PPP2R2B: variants seen among roughly 807,000 people sequenced by gnomAD.
PPP2R2B encodes protein phosphatase 2 regulatory subunit Bbeta.
In PPP2R2B, 5 loss-of-function variants were observed where a neutral mutation model predicts 46.0. The ratio of observed to expected loss-of-function variants is 0.11; its 90% CI spans 0.06 to 0.23. The LOEUF (loss-of-function observed/expected upper bound fraction) is 0.23. Among genes scored for constraint, PPP2R2B ranks in the 10% least tolerant of loss-of-function variants. The pLI, the probability that PPP2R2B is intolerant of heterozygous loss-of-function variation, is 1.00. For missense variants in PPP2R2B, 367 were observed against 575.0 expected (o/e 0.64, Z 3.70); for synonymous variants, 215 against 206.7 (o/e 1.04, Z -0.34).
Position 147,034,658 on chromosome 5 carries a change from A to G in PPP2R2B, c.79+21007T>C, listed in dbSNP as rs1262939421. Among the ~76,000 whole-genome samples, 5 of 152,218 alleles carry G rather than the reference A, an allele frequency of 3.3e-5. No individual in the cohort carries two copies. In the East Asian group the frequency reaches 7.7e-4, roughly 23 times the overall value. ...ATAGAACTATTACATATTTCTTGTAATAATAATGATTGTATATGTTCAATT... is the reference window on the plus strand; with the variant it reads ...ATAGAACTATTACATATTTCTTGTAGTAATAATGATTGTATATGTTCAATT... On this transcript the variant is annotated intron_variant, in intron 1 of 8. Transcript: ENST00000336640.
intron 1 of PPP2R2B, among the ~76,000 whole-genome samples, chr5:146,962,966 T>C (rs147689706): frequency 3.9e-5 from 6 of 152,326 alleles, no homozygotes; most frequent in African/African-American, 1.2e-4. Context: ...CAGACTTTCT[T>C]AGTGGAGCTG....
At chr5:147,074,728 T>C (rs755634627) in intron 2 of PPP2R2B, among the ~76,000 whole-genome samples, 1 of 152,216 alleles carries the variant, frequency 6.6e-6, no homozygotes, top group African/African-American at 2.4e-5. Context: ...AGAGGATTCC[T>C]CTTTGCAAGG....
chr5:146,706,619 T>C, intron 2 of PPP2R2B: 1 of 810,638 alleles, frequency 1.2e-6, no homozygotes. Flanking sequence ...GCTCCGCATC[T>C]GCGATGCCGG....
chr5:146,591,671 T>TC (rs375957359), intron 9 of PPP2R2B, among the ~76,000 whole-genome samples: 5 of 123,126 alleles, frequency 4.1e-5, no homozygotes, highest in African/African-American at 1.7e-4. Flanking sequence ...GAGATTATTT[T>TC]CCAAAAAAAA....
chr5:146,854,624 C>T (rs1760541105), intron 2 of PPP2R2B, among the ~76,000 whole-genome samples: 1 of 152,156 alleles, frequency 6.6e-6, no homozygotes, highest in African/African-American at 2.4e-5. Context: ...AGTAACTAAA[C>T]TTGTGAAAAT....
At position 146,581,007 on chromosome 5, in the gene PPP2R2B, T is replaced by A. The variant is rs1031221111; in HGVS notation, c.*8940A>T. On this transcript the variant is annotated 3_prime_UTR_variant, in exon 10 of 10. Coordinates refer to ENST00000394411, the MANE Select transcript of PPP2R2B (RefSeq NM_181675.4). ...TTCCATGATGGATACTTTCTCGGTT[T>A]CTATGATATTTGTCTGATCTTCAAT... 6.6e-6 allele frequency: 1 copy of A among 152,206 alleles called. No individual in the cohort carries two copies. Among genetic ancestry groups the A allele is most frequent in the African/African-American group, 2.4e-5 (1 of 41,454 alleles). The allele number at this position is 152,206 out of a possible 1,614,324, so 9.4% of individuals were successfully genotyped here.
chr5:146,686,714 T>A lies in PPP2R2B; in HGVS notation c.447+4414A>T, dbSNP rs369716922. ...TAAAAATGCCGATTTCAACCTGGCC[T>A]AGGTTCCCAGGGCACTGGCAGCTGA... On this transcript the variant is annotated intron_variant, in intron 5 of 9. Transcript: ENST00000394411. Among the ~76,000 whole-genome samples, 40 of 152,310 alleles carry A rather than the reference T, an allele frequency of 2.6e-4. No homozygotes were observed. The East Asian group carries it at 6.9e-3, about 26-fold the overall frequency.
chr5:147,059,538 C>T (rs1474530038), upstream of PPP2R2B, among the ~76,000 whole-genome samples: 1 of 151,948 alleles, frequency 6.6e-6, no homozygotes, highest in Admixed American at 6.6e-5. Context: ...AGGGAGAGCT[C>T]AAGAGCAGAA....
chr5:146,903,414 G>A (rs1291996427), intron 1 of PPP2R2B, among the ~76,000 whole-genome samples: 7 of 102,504 alleles, frequency 6.8e-5, no homozygotes, highest in Admixed American at 3.5e-4. Context: ...TTTTTTTTTA[G>A]AGACAGAATT....
At chr5:146,805,379 C>T (rs1438231373) in intron 2 of PPP2R2B, among the ~76,000 whole-genome samples, 3 of 152,128 alleles carry the variant, frequency 2.0e-5, no homozygotes, top group Non-Finnish European at 4.4e-5. Context: ...CAGCTGGGAT[C>T]CTTGAATGCT....
At chr5:146,690,520 G>A (rs978021363) in intron 5 of PPP2R2B, among the ~76,000 whole-genome samples, 3 of 152,158 alleles carry the variant, frequency 2.0e-5, no homozygotes, top group Non-Finnish European at 4.4e-5. Context: ...TGAGGAACAG[G>A]AAGGAAGCCA....
At chr5:146,986,811 G>T (rs1410216503) in intron 1 of PPP2R2B, among the ~76,000 whole-genome samples, 2 of 152,116 alleles carry the variant, frequency 1.3e-5, no homozygotes, top group Non-Finnish European at 2.9e-5. Context: ...TGCCCTTAAA[G>T]TCGGAGTAGA....
At chr5:146,859,516 C>T (rs1760860359) in intron 2 of PPP2R2B, among the ~76,000 whole-genome samples, 1 of 152,154 alleles carries the variant, frequency 6.6e-6, no homozygotes, top group African/African-American at 2.4e-5. Context: ...TATTTATTAC[C>T]TGGGTAACCA....
chr5:146,788,936 A>C (rs1002889670), intron 2 of PPP2R2B, among the ~76,000 whole-genome samples: 8 of 152,216 alleles, frequency 5.3e-5, no homozygotes, highest in African/African-American at 1.7e-4. Flanking sequence ...GTTGTACCCC[A>C]GCACCTGGCA....
intron 1 of PPP2R2B, among the ~76,000 whole-genome samples, chr5:146,940,375 G>A (rs990727119): frequency 6.6e-6 from 1 of 152,108 alleles, no homozygotes; most frequent in East Asian, 1.9e-4. Flanking sequence ...TTTATATATG[G>A]ACACAGAGAA....
intron 2 of PPP2R2B, among the ~76,000 whole-genome samples, chr5:146,721,358 T>G (rs1780786331): frequency 6.6e-6 from 1 of 152,218 alleles, no homozygotes; most frequent in African/African-American, 2.4e-5. Context: ...TTACCTTGTC[T>G]GCAAAAGTCT....
chr5:146,980,552 A>G (rs1254160219), intron 1 of PPP2R2B, among the ~76,000 whole-genome samples: 1 of 152,128 alleles, frequency 6.6e-6, no homozygotes, highest in Non-Finnish European at 1.5e-5. Context: ...CAAGGGAGAG[A>G]ATGGAGGCTC....
chr5:147,009,864 TACAC>T lies in PPP2R2B; in HGVS notation c.79+45797_79+45800del, dbSNP rs201299020. ...ATATTTATATATATACACACACACATACACACACACACACACACACACACACACA... is the reference window on the plus strand; with the variant it reads ...ATATTTATATATATACACACACACATACACACACACACACACACACACACA... On this transcript the variant is annotated intron_variant, in intron 1 of 8. Transcript: ENST00000336640. 0.017 allele frequency among the ~76,000 whole-genome samples: 2,381 copies of T among 136,578 alleles called. 105 individuals are homozygous for T. The East Asian group carries it at 0.2, about 11-fold the overall frequency. The allele number at this position is 136,578 out of a possible 152,430, so 89.6% of individuals were successfully genotyped here.
chr5:147,060,941 T>G (rs2151907374), upstream of PPP2R2B, among the ~76,000 whole-genome samples: 1 of 152,314 alleles, frequency 6.6e-6, no homozygotes, highest in South Asian at 2.1e-4. Flanking sequence ...TGAGCTGAAT[T>G]GAGTTGAACT....
Sources: allele counts gnomAD v4.1 joint callset (sites outside exome capture counted in the v4.1 genomes callset), GRCh38; gene constraint gnomAD v4.1.1; transcripts MANE v1.5; gene names NCBI Gene and HGNC (gene_info 2026-07-23, HGNC 2026-07-21).